Variants in SDK1 observed in about 807,000 individuals in gnomAD.
SDK1 encodes protein sidekick-1.
In SDK1, 157 loss-of-function variants were observed where a neutral mutation model predicts 245.5. That is an observed-to-expected ratio of 0.64 (90% CI 0.56 to 0.73). The LOEUF (loss-of-function observed/expected upper bound fraction) is 0.73. Ranked by LOEUF, SDK1 falls within the 30% of genes least tolerant of loss-of-function variation. The probability of loss-of-function intolerance (pLI) is 0.00; values close to 1 mark genes in which losing one functional copy is unlikely to be tolerated. For missense variants in SDK1, 3,583 were observed against 3,002.3 expected (o/e 1.19, Z -4.52); for synonymous variants, 1,647 against 1,278.5 (o/e 1.29, Z -6.15).
chr7:4,040,009 G>A (rs1469920068), intron 17 of SDK1, among the ~76,000 whole-genome samples: 1 of 152,102 alleles, frequency 6.6e-6, no homozygotes, highest in Admixed American at 6.6e-5. Context: ...AACCAAACTG[G>A]GTTTGTCTGT....
chr7:3,790,514 A>T (rs1781047970), intron 4 of SDK1, among the ~76,000 whole-genome samples: 1 of 152,162 alleles, frequency 6.6e-6, no homozygotes, highest in African/African-American at 2.4e-5. Flanking sequence ...CATGGTTAAA[A>T]AGTCTAACAG....
intron 4 of SDK1, among the ~76,000 whole-genome samples, chr7:3,657,351 T>C (rs1293380450): frequency 6.6e-6 from 1 of 152,162 alleles, no homozygotes; most frequent in African/African-American, 2.4e-5. Context: ...CAGGGTGGGT[T>C]CCCTCTTTGT....
chr7:3,440,266 C>G (rs755392889), intron 1 of SDK1, among the ~76,000 whole-genome samples: 1 of 152,122 alleles, frequency 6.6e-6, no homozygotes, highest in African/African-American at 2.4e-5. Context: ...GGTTTGCATT[C>G]AGGTATATTT....
At chr7:3,721,290 CTA>C (rs1778786264) in intron 4 of SDK1, among the ~76,000 whole-genome samples, 1 of 152,172 alleles carries the variant, frequency 6.6e-6, no homozygotes, top group Non-Finnish European at 1.5e-5. Context: ...TGAATACTCT[CTA>C]TGAATTCTCC....
rs148431760 is a variant in SDK1, at chr7:4,144,799, C to A, written c.4229-923C>A. ...CACGAAGAGGCAGCACTGATGAGAC[C>A]GGAGCGCGGCTCTGTTCCCCCCGTG... On this transcript the variant is annotated intron_variant, in intron 28 of 44. Transcript: ENST00000404826. Among the ~76,000 whole-genome samples the A allele has an allele frequency of 3.5e-3, 531 of 152,292 alleles. 7 individuals are homozygous for A. The highest frequency in any genetic ancestry group is 0.012 in the African/African-American group (492 of 41,556).
intron 4 of SDK1, among the ~76,000 whole-genome samples, chr7:3,787,500 G>A (rs1051758512): frequency 7.2e-5 from 11 of 151,802 alleles, no homozygotes; most frequent in African/African-American, 2.7e-4. Flanking sequence ...ATACCAACAG[G>A]AACTGAGAGC....
intron 1 of SDK1, among the ~76,000 whole-genome samples, chr7:3,319,878 C>CTTTTTTTTTTTTTTTTTTCT (rs57770805): frequency 1.1e-5 from 1 of 88,102 alleles, no homozygotes; most frequent in Non-Finnish European, 2.2e-5. Flanking sequence ...CATTCTTAGT[C>CTTTTTTTTTTTTTTTTTTCT]TTTTTTTTTT....
intron 12 of SDK1, 82 bp from the exon 13 acceptor site, chr7:3,974,287 C>A (rs967890520): frequency 2.5e-6 from 3 of 1,207,242 alleles, no homozygotes; most frequent in Non-Finnish European, 3.5e-6. Flanking sequence ...TTGTTAGTTG[C>A]TTGCTTTTTA....
At chr7:3,845,934 C>G (rs1331115873) in intron 5 of SDK1, among the ~76,000 whole-genome samples, 1 of 152,182 alleles carries the variant, frequency 6.6e-6, no homozygotes, top group African/African-American at 2.4e-5. Context: ...AGCTGCTCTG[C>G]TACCTACAAC....
At chr7:3,718,126 C>G (rs1248475115) in intron 4 of SDK1, among the ~76,000 whole-genome samples, 1 of 152,134 alleles carries the variant, frequency 6.6e-6, no homozygotes, top group African/African-American at 2.4e-5. Context: ...TGAAAATCAA[C>G]TCATGTAAGT....
At chr7:3,736,115 G>T (rs1428033282) in intron 4 of SDK1, among the ~76,000 whole-genome samples, 2 of 152,136 alleles carry the variant, frequency 1.3e-5, no homozygotes, top group Non-Finnish European at 1.5e-5. Flanking sequence ...TAATTTGCCA[G>T]TGTCTTTTTC....
intron 43 of SDK1, among the ~76,000 whole-genome samples, chr7:4,243,065 T>G (rs900306315): frequency 6.6e-6 from 1 of 152,170 alleles, no homozygotes; most frequent in African/African-American, 2.4e-5. Flanking sequence ...TTTCCTGCCG[T>G]GTAATAGAAA....
chr7:3,971,753 ATG>A (rs2128133127), intron 12 of SDK1, among the ~76,000 whole-genome samples, 185 bp downstream of exon 12: 1 of 152,236 alleles, frequency 6.6e-6, no homozygotes, highest in African/African-American at 2.4e-5. Flanking sequence ...CTCCAGCCTT[ATG>A]TGTTATTTAC....
chr7:4,247,919 G>T (rs1489002073), intron 44 of SDK1, among the ~76,000 whole-genome samples: 1 of 152,198 alleles, frequency 6.6e-6, no homozygotes, highest in East Asian at 1.9e-4. Context: ...ACCAGAGGAA[G>T]GGGAGGGAGG....
chr7:4,214,855 G>A (rs184626843), intron 38 of SDK1, among the ~76,000 whole-genome samples: 6 of 152,188 alleles, frequency 3.9e-5, no homozygotes, highest in Admixed American at 2.0e-4. Flanking sequence ...GGTCTTTCCC[G>A]CCACAACACC....
At chr7:3,649,105 T>G (rs1220069496) in intron 4 of SDK1, among the ~76,000 whole-genome samples, 1 of 152,056 alleles carries the variant, frequency 6.6e-6, no homozygotes, top group Non-Finnish European at 1.5e-5. Flanking sequence ...ATCCCACGTG[T>G]GCCCCTCAGT....
At chr7:3,596,251 T>C (rs1288808518) in intron 1 of SDK1, among the ~76,000 whole-genome samples, 1 of 151,972 alleles carries the variant, frequency 6.6e-6, no homozygotes, top group African/African-American at 2.4e-5. Flanking sequence ...TGCATGAGAG[T>C]TAAACAGTAA....
intron 1 of SDK1, among the ~76,000 whole-genome samples, chr7:3,317,011 C>G (rs1279302357): frequency 1.3e-5 from 2 of 151,390 alleles, no homozygotes; most frequent in Non-Finnish European, 2.9e-5. Flanking sequence ...AATACCCTGT[C>G]TCTACACAAC....
At chr7:3,710,780 T>C (rs1465313130) in intron 4 of SDK1, among the ~76,000 whole-genome samples, 1 of 152,242 alleles carries the variant, frequency 6.6e-6, no homozygotes, top group African/African-American at 2.4e-5. Flanking sequence ...TCCGTGTATG[T>C]CTTGGAAAAT....
Sources: allele counts gnomAD v4.1 joint callset (sites outside exome capture counted in the v4.1 genomes callset), GRCh38; gene constraint gnomAD v4.1.1; transcripts MANE v1.5; gene names NCBI Gene and HGNC (gene_info 2026-07-23, HGNC 2026-07-21).